Variants in SPOCK1 observed in about 807,000 individuals in gnomAD.
SPOCK1 encodes SPARC (osteonectin), cwcv and kazal like domains proteoglycan 1, also known as testican-1.
Under a neutral mutation model 55.3 loss-of-function variants are expected in SPOCK1, and 23 were observed. That is an observed-to-expected ratio of 0.42 (90% CI 0.30 to 0.59). The LOEUF is 0.59. Among genes scored for constraint, SPOCK1 ranks in the 20% least tolerant of loss-of-function variants. SPOCK1 has a pLI of 0.22. For synonymous variants in SPOCK1, 226 were observed against 221.0 expected (o/e 1.02, Z -0.20); for missense variants, 499 against 552.5 (o/e 0.90, Z 0.97).
chr5:137,115,523 C>A (rs1692259673), intron 4 of SPOCK1, among the ~76,000 whole-genome samples: 1 of 152,134 alleles, frequency 6.6e-6, no homozygotes, highest in African/African-American at 2.4e-5. Context: ...TGGCTCTATA[C>A]CTGCAGAGCA....
At chr5:137,062,959 G>A (rs936898614) in intron 6 of SPOCK1, among the ~76,000 whole-genome samples, 1 of 152,138 alleles carries the variant, frequency 6.6e-6, no homozygotes, top group Non-Finnish European at 1.5e-5. Context: ...TCAGGGCCGG[G>A]CGCGGTGGCT....
intron 2 of SPOCK1, among the ~76,000 whole-genome samples, chr5:137,391,769 G>A (rs1262599464): frequency 6.6e-6 from 1 of 152,034 alleles, no homozygotes; most frequent in Non-Finnish European, 1.5e-5. Flanking sequence ...TCTCTCTCAA[G>A]CATCCTAAAT....
chr5:136,985,395 T>G (rs1272871803), intron 8 of SPOCK1, among the ~76,000 whole-genome samples, 193 bp from the exon 9 acceptor site: 1 of 152,166 alleles, frequency 6.6e-6, no homozygotes, highest in Non-Finnish European at 1.5e-5. Flanking sequence ...CATACCACAA[T>G]GCACTTAAAA....
intron 6 of SPOCK1, among the ~76,000 whole-genome samples, chr5:137,041,707 G>A (rs1437694150): frequency 6.6e-6 from 1 of 152,116 alleles, no homozygotes; most frequent in African/African-American, 2.4e-5. Context: ...AAAAGCTTAT[G>A]AACATCATTT....
At chr5:137,120,418 C>T (rs1753664851) in intron 4 of SPOCK1, among the ~76,000 whole-genome samples, 1 of 152,166 alleles carries the variant, frequency 6.6e-6, no homozygotes, top group South Asian at 2.1e-4. Context: ...CTCTGGTGTA[C>T]CCGAATGTTG....
intron 3 of SPOCK1, among the ~76,000 whole-genome samples, chr5:137,210,211 C>T (rs536598509): frequency 6.6e-6 from 1 of 152,278 alleles, no homozygotes; most frequent in East Asian, 1.9e-4. Flanking sequence ...GTCAGCTTCC[C>T]TTCTTCTTGC....
intron 5 of SPOCK1, among the ~76,000 whole-genome samples, chr5:137,109,067 T>G (rs935864722): frequency 6.6e-6 from 1 of 152,206 alleles, no homozygotes. Flanking sequence ...CTCCTGCGAA[T>G]GAGTGGCAGA....
intron 6 of SPOCK1, among the ~76,000 whole-genome samples, chr5:137,021,813 G>C (rs1305661633): frequency 6.6e-6 from 1 of 152,128 alleles, no homozygotes; most frequent in Non-Finnish European, 1.5e-5. Context: ...TACTGCTCAA[G>C]ATGCAGTTGA....
At chr5:137,397,834 G>A (rs185830731) in intron 2 of SPOCK1, among the ~76,000 whole-genome samples, 13 of 152,090 alleles carry the variant, frequency 8.5e-5, no homozygotes, top group African/African-American at 2.7e-4. Flanking sequence ...CTCAAACATC[G>A]CTCCCCCAGG....
chr5:137,352,602 C>A (rs1750707795), intron 2 of SPOCK1, among the ~76,000 whole-genome samples: 1 of 151,742 alleles, frequency 6.6e-6, no homozygotes. Context: ...CAGCAAGAAG[C>A]CATGGTGGAA....
chr5:137,110,494 G>A (rs1280445250), intron 5 of SPOCK1, among the ~76,000 whole-genome samples: 1 of 152,210 alleles, frequency 6.6e-6, no homozygotes, highest in South Asian at 2.1e-4. Flanking sequence ...GGGAATGGGG[G>A]ATAGAAATGA....
At chr5:137,086,463 G>A (rs1355028376) in intron 5 of SPOCK1, among the ~76,000 whole-genome samples, 2 of 152,156 alleles carry the variant, frequency 1.3e-5, no homozygotes, top group Non-Finnish European at 2.9e-5. Context: ...TCAAACATGA[G>A]GGCACAGGCT....
chr5:137,419,485 G>GTAGTTTGTAGTTTGTA (rs1752435042), intron 2 of SPOCK1, among the ~76,000 whole-genome samples: 1 of 152,152 alleles, frequency 6.6e-6, no homozygotes, highest in African/African-American at 2.4e-5. Context: ...AATGAGCAGT[G>GTAGTTTGTAGTTTGTA]GTTTGTAGTT....
At chr5:137,118,421 G>A (rs1009494817) in intron 4 of SPOCK1, among the ~76,000 whole-genome samples, 15 of 152,172 alleles carry the variant, frequency 9.9e-5, no homozygotes, top group African/African-American at 3.6e-4. Flanking sequence ...CCGCACGTCA[G>A]TGTTTCCCAC....
intron 6 of SPOCK1, among the ~76,000 whole-genome samples, chr5:136,995,599 G>A (rs1331502404): frequency 6.6e-6 from 1 of 152,200 alleles, no homozygotes; most frequent in Non-Finnish European, 1.5e-5. Flanking sequence ...CTATTGCCAT[G>A]CGCACCATCT....
chr5:137,367,858 G>C (rs1751109430), intron 2 of SPOCK1, among the ~76,000 whole-genome samples: 1 of 152,212 alleles, frequency 6.6e-6, no homozygotes, highest in African/African-American at 2.4e-5. Context: ...AGTCAGAGGA[G>C]CTATTGCTTT....
At chr5:137,084,379 A>G (rs912856121) in intron 5 of SPOCK1, among the ~76,000 whole-genome samples, 1 of 151,896 alleles carries the variant, frequency 6.6e-6, no homozygotes, top group Non-Finnish European at 1.5e-5. Flanking sequence ...CACTGCCTAT[A>G]ACTTCCCATT....
In SPOCK1 at chr5:137,377,970, A is replaced by C. The variant is rs538664141; in HGVS notation, c.187-110915T>G. ...TTTTTTTTTTTTTTTTTTTTGAGAC[A>C]GTTTGCTCTTGTAGCCCAGGCTGGA... On this transcript the variant is annotated intron_variant, in intron 2 of 10. Coordinates refer to ENST00000394945, the MANE Select transcript of SPOCK1 (RefSeq NM_004598.4). Among the ~76,000 whole-genome samples, 42 of 125,104 alleles carry C rather than the reference A, an allele frequency of 3.4e-4. No homozygotes were observed. In the East Asian group the frequency reaches 8.9e-3, roughly 26 times the overall value. 82.1% of individuals were successfully genotyped at this position (125,104 alleles called of 152,430 possible). A position where few individuals can be genotyped will look rare whatever the true frequency, so the allele number is the denominator to read the frequency against.
At chr5:137,491,578 A>G (rs1377739203) in intron 2 of SPOCK1, among the ~76,000 whole-genome samples, 1 of 152,178 alleles carries the variant, frequency 6.6e-6, no homozygotes, top group Non-Finnish European at 1.5e-5. Flanking sequence ...CAAGCTATAT[A>G]CAATGGTGTA....
Sources: gnomAD v4.1 joint callset for allele counts (sites outside exome capture counted in the v4.1 genomes callset) on GRCh38, gnomAD v4.1.1 for gene constraint, MANE v1.5 for transcripts, NCBI Gene and HGNC (gene_info 2026-07-23, HGNC 2026-07-21) for gene names.